SLIT3: variants seen among roughly 807,000 people sequenced by gnomAD.
The protein encoded by SLIT3 is slit guidance ligand 3, also known as slit homolog 3 protein.
In SLIT3, 68 loss-of-function variants were observed where a neutral mutation model predicts 184.0. The observed-to-expected ratio is 0.37, with a 90% confidence interval of 0.30 to 0.45. The LOEUF is 0.45. Among genes scored for constraint, SLIT3 ranks in the 20% least tolerant of loss-of-function variants. The probability of loss-of-function intolerance (pLI) is 1.00; values close to 1 mark genes in which losing one functional copy is unlikely to be tolerated. For synonymous variants in SLIT3, 831 were observed against 828.6 expected (o/e 1.00, Z -0.05); for missense variants, 1,707 against 2,026.0 (o/e 0.84, Z 3.02).
chr5:169,189,790 A>AT (rs1763491060), intron 4 of SLIT3, among the ~76,000 whole-genome samples: 1 of 152,004 alleles, frequency 6.6e-6, no homozygotes. Context: ...TTTCACATCT[A>AT]TAGAACAGTA....
At chr5:169,274,816 C>G (rs1275298551) in intron 1 of SLIT3, among the ~76,000 whole-genome samples, 2 of 152,210 alleles carry the variant, frequency 1.3e-5, no homozygotes, top group Non-Finnish European at 2.9e-5. Context: ...CATCTGGATT[C>G]AAATACTTAC....
chr5:169,142,538 T>C (rs1468472260), intron 4 of SLIT3, among the ~76,000 whole-genome samples: 2 of 151,968 alleles, frequency 1.3e-5, no homozygotes, highest in Admixed American at 6.6e-5. Flanking sequence ...AGACTGAGAG[T>C]ATAAACTGGG....
intron 4 of SLIT3, among the ~76,000 whole-genome samples, chr5:168,980,126 C>G (rs1355311894): frequency 6.6e-6 from 1 of 152,078 alleles, no homozygotes; most frequent in African/African-American, 2.4e-5. Flanking sequence ...ATCCCAAACC[C>G]TTTTTATCTA....
intron 1 of SLIT3, among the ~76,000 whole-genome samples, chr5:169,288,141 C>A (rs1256471424): frequency 6.6e-6 from 1 of 152,160 alleles, no homozygotes; most frequent in Admixed American, 6.5e-5. Flanking sequence ...GGAAGCTGGC[C>A]CCCTAAAGAA....
intron 4 of SLIT3, among the ~76,000 whole-genome samples, chr5:169,124,871 A>G (rs892540775): frequency 1.3e-5 from 2 of 152,142 alleles, no homozygotes; most frequent in African/African-American, 4.8e-5. Context: ...TGCCCTCTTC[A>G]CATATGAGCT....
chr5:168,762,516 G>C (rs1249978583), intron 15 of SLIT3, 23 bp downstream of exon 15: 2 of 1,608,640 alleles, frequency 1.2e-6, no homozygotes, highest in South Asian at 1.1e-5. Flanking sequence ...GGAGTAGGGA[G>C]TTCACGCCGA....
At chr5:169,193,968 T>G (rs1232123717) in intron 3 of SLIT3, among the ~76,000 whole-genome samples, 1 of 152,068 alleles carries the variant, frequency 6.6e-6, no homozygotes, top group Non-Finnish European at 1.5e-5. Context: ...GCACGGTGGC[T>G]TACGCCTGTA....
chr5:168,885,871 T>C (rs946691272), intron 4 of SLIT3, among the ~76,000 whole-genome samples: 3 of 152,152 alleles, frequency 2.0e-5, no homozygotes, highest in African/African-American at 7.2e-5. Context: ...TGATTTGCAA[T>C]ACGGTGGGAT....
chr5:169,089,233 C>A (rs943655268), intron 4 of SLIT3, among the ~76,000 whole-genome samples: 1 of 152,014 alleles, frequency 6.6e-6, no homozygotes, highest in African/African-American at 2.4e-5. Context: ...TGCTTGTCAT[C>A]CACCACTGTG....
chr5:169,037,585 C>T (rs1036131317), intron 4 of SLIT3: 3 of 152,232 alleles, frequency 2.0e-5, no homozygotes, highest in Non-Finnish European at 4.4e-5. Context: ...ACGTGTTTCA[C>T]GCTAACATCA....
rs370937958 is a variant in SLIT3 at position 168,710,993 on chromosome 5, G to A, written c.2621C>T (p.Ala874Val). The change falls in exon 25 of 36, where the codon GCG becomes GTG. Residue 874 changes from alanine to valine, a missense_variant. Ala to Val is a moderately conservative substitution (Grantham distance 64, BLOSUM62 0). Around this residue, in one of 3 missense-constraint regions of SLIT3, gnomAD observed 1,307 missense variants for 1,511.6 expected, o/e 0.86. Transcript: ENST00000519560. Reference sequence around the variant, plus strand: ...GGCGATGCCAGGCTCCTTGTACCCCGCCTTCACCCACTCCGACAGCCACCG... The same window carrying A: ...GGCGATGCCAGGCTCCTTGTACCCCACCTTCACCCACTCCGACAGCCACCG... ...SLRWLSEWVK[A>V]GYKEPGIARC... 62 of 1,572,342 alleles carry A rather than the reference G, an allele frequency of 3.9e-5. 1 individual carries two copies. The highest frequency in any genetic ancestry group is 3.2e-4 in the South Asian group (27 of 85,142).
chr5:168,867,252 A>G (rs139586084), intron 5 of SLIT3, among the ~76,000 whole-genome samples: 3 of 152,322 alleles, frequency 2.0e-5, no homozygotes, highest in East Asian at 1.9e-4. Context: ...ACTTTAAAAA[A>G]CAATTAGAGA....
intron 4 of SLIT3, among the ~76,000 whole-genome samples, chr5:169,099,034 T>A (rs1034313763): frequency 2.0e-5 from 3 of 151,950 alleles, no homozygotes; most frequent in African/African-American, 7.3e-5. Flanking sequence ...GGTGGCTACA[T>A]CTACCGCCTC....
intron 4 of SLIT3, among the ~76,000 whole-genome samples, chr5:169,028,116 G>A (rs1756895432): frequency 6.6e-6 from 1 of 152,134 alleles, no homozygotes; most frequent in African/African-American, 2.4e-5. Context: ...TGGCACTGTG[G>A]TGGCTTGGTT....
chr5:169,131,969 G>A (rs940720762), intron 4 of SLIT3, among the ~76,000 whole-genome samples: 1 of 152,154 alleles, frequency 6.6e-6, no homozygotes, highest in Non-Finnish European at 1.5e-5. Context: ...GAAGCCACAT[G>A]GTAAAGATGG....
intron 2 of SLIT3, among the ~76,000 whole-genome samples, chr5:169,249,030 T>C (rs1765688824): frequency 6.6e-6 from 1 of 152,134 alleles, no homozygotes; most frequent in South Asian, 2.1e-4. Flanking sequence ...TCTCTAGAAA[T>C]TGTAAATAAG....
At chr5:168,875,638 A>G (rs1759706070) in intron 5 of SLIT3, among the ~76,000 whole-genome samples, 1 of 151,952 alleles carries the variant, frequency 6.6e-6, no homozygotes, top group African/African-American at 2.4e-5. Context: ...CCGCCTTAAA[A>G]AAAGAAGAAG....
chr5:168,884,259 C>CA (rs1186812592), intron 4 of SLIT3, among the ~76,000 whole-genome samples: 1 of 151,692 alleles, frequency 6.6e-6, no homozygotes, highest in African/African-American at 2.4e-5. Flanking sequence ...ACTGGCCCTG[C>CA]AAAACACTCA....
intron 16 of SLIT3, among the ~76,000 whole-genome samples, chr5:168,754,992 C>T (rs964194956): frequency 1.3e-5 from 2 of 152,200 alleles, no homozygotes; most frequent in African/African-American, 4.8e-5. Context: ...GCTTTCTCAC[C>T]AGTTAAGGAT....
Sources: allele counts gnomAD v4.1 joint callset (sites outside exome capture counted in the v4.1 genomes callset), GRCh38; gene constraint gnomAD v4.1.1; regional missense constraint gnomAD v4.1.1; transcripts MANE v1.5; gene names NCBI Gene and HGNC (gene_info 2026-07-23, HGNC 2026-07-21).